ERC1: variants seen among roughly 807,000 people sequenced by gnomAD.
ERC1 encodes RAB6 interacting protein 2.
ERC1 carries 56 observed loss-of-function variants against 132.0 expected under a neutral mutation model. The observed-to-expected ratio is 0.42, with a 90% CI of 0.34 to 0.53. The LOEUF (loss-of-function observed/expected upper bound fraction) is 0.53. Among genes scored for constraint, ERC1 ranks in the 20% least tolerant of loss-of-function variants. ERC1 has a pLI of 0.03. For missense variants in ERC1, 1,202 were observed against 1,349.9 expected (o/e 0.89, Z 1.72); for synonymous variants, 478 against 476.1 (o/e 1.00, Z -0.05).
At chr12:1,003,096 CA>C (rs59507923) in intron 1 of ERC1, among the ~76,000 whole-genome samples, 3,270 of 86,934 alleles carry the variant, frequency 0.038, 124 homozygotes, top group African/African-American at 0.15. Context: ...ATGAAAAATG[CA>C]AAAAAAAAAA....
At chr12:1,130,403 T>TA (rs1405766761) in intron 7 of ERC1, among the ~76,000 whole-genome samples, 1 of 151,806 alleles carries the variant, frequency 6.6e-6, no homozygotes, top group Non-Finnish European at 1.5e-5. Context: ...GAGGAAGTGT[T>TA]ATGTTATGTG....
intron 18 of ERC1, among the ~76,000 whole-genome samples, chr12:1,473,182 T>C (rs1056083407): frequency 1.3e-5 from 2 of 152,108 alleles, no homozygotes; most frequent in East Asian, 1.9e-4. Context: ...CGCACCACCA[T>C]GCCCAGCTAA....
chr12:1,211,622 C>T (rs1009535203), intron 12 of ERC1, among the ~76,000 whole-genome samples: 3 of 152,144 alleles, frequency 2.0e-5, no homozygotes, highest in African/African-American at 7.2e-5. Flanking sequence ...TGCAATGGCG[C>T]AATCTTGGCT....
upstream of ERC1, among the ~76,000 whole-genome samples, chr12:990,790 G>A (rs1432285192): frequency 6.6e-6 from 1 of 152,128 alleles, no homozygotes; most frequent in Non-Finnish European, 1.5e-5. Flanking sequence ...GAAGTAGGGG[G>A]TGGGGCGCCG....
intron 18 of ERC1, among the ~76,000 whole-genome samples, chr12:1,471,685 A>G (rs1383383604): frequency 6.6e-6 from 1 of 152,200 alleles, no homozygotes; most frequent in African/African-American, 2.4e-5. Flanking sequence ...TTGGTCTCTC[A>G]GTTGTTGACT....
chr12:1,010,414 A>G (rs1271971375), intron 1 of ERC1, among the ~76,000 whole-genome samples: 1 of 143,376 alleles, frequency 7.0e-6, no homozygotes, highest in Admixed American at 7.1e-5. Flanking sequence ...CCGGGAGGAG[A>G]GGTTGCAGTG....
At chr12:1,122,231 C>A (rs1360648530) in intron 7 of ERC1, among the ~76,000 whole-genome samples, 1 of 75,336 alleles carries the variant, frequency 1.3e-5, no homozygotes, top group Non-Finnish European at 2.5e-5. Context: ...CTATCTCTAT[C>A]TCTATCTGTG....
At chr12:1,253,722 A>C (rs1300080891) in intron 13 of ERC1, among the ~76,000 whole-genome samples, 1 of 152,088 alleles carries the variant, frequency 6.6e-6, no homozygotes, top group Non-Finnish European at 1.5e-5. Context: ...CAGCTCAGTG[A>C]TGTGTAGCTT....
rs557243494 is a variant in ERC1 at position 1,241,171 on chromosome 12, G to A, written c.2487+4267G>A. Among the ~76,000 whole-genome samples the A allele has an allele frequency of 1.6e-3, 251 of 152,194 alleles. 1 individual carries two copies. Among genetic ancestry groups the A allele is most frequent in the Middle Eastern group, 6.8e-3 (2 of 294 alleles). Reference sequence around the variant, plus strand: ...ACTTCCAGCAGTTTGCAGGCATTCTGTTTTCCCTATAGCCACTTTGGTTCT... The same window carrying A: ...ACTTCCAGCAGTTTGCAGGCATTCTATTTTCCCTATAGCCACTTTGGTTCT... On this transcript the variant is annotated intron_variant, in intron 13 of 18. Transcript: ENST00000360905.
intron 1 of ERC1, among the ~76,000 whole-genome samples, chr12:1,004,091 A>G (rs2154133726): frequency 6.6e-6 from 1 of 152,228 alleles, no homozygotes; most frequent in African/African-American, 2.4e-5. Flanking sequence ...GCCTTCCACC[A>G]TCTCCTGTTA....
intron 18 of ERC1, among the ~76,000 whole-genome samples, chr12:1,450,910 T>A (rs1387519080): frequency 6.6e-6 from 1 of 152,260 alleles, no homozygotes; most frequent in Non-Finnish European, 1.5e-5. Context: ...TGATTCATGA[T>A]GTTGAGCATC....
intron 14 of ERC1, among the ~76,000 whole-genome samples, chr12:1,266,454 G>C (rs1351654286): frequency 7.8e-6 from 1 of 127,628 alleles, no homozygotes; most frequent in Non-Finnish European, 1.6e-5. Context: ...GCCCGGGCTG[G>C]AGTGTAATGG....
chr12:1,457,360 T>G (rs1267556103), intron 18 of ERC1, among the ~76,000 whole-genome samples: 1 of 152,162 alleles, frequency 6.6e-6, no homozygotes, highest in Non-Finnish European at 1.5e-5. Flanking sequence ...CCCTCATGGG[T>G]CCTCATAAAG....
rs369682789 is a variant in ERC1, at chr12:1,490,605, A to C, written c.*375A>C. 5 of 265,148 alleles carry C rather than the reference A, an allele frequency of 1.9e-5. No homozygotes were observed. The highest frequency in any genetic ancestry group is 9.6e-5 in the Admixed American group (2 of 20,794). The allele number at this position is 265,148 out of a possible 1,614,324, so 16.4% of individuals were successfully genotyped here. A position where few individuals can be genotyped will look rare whatever the true frequency, so the allele number is the denominator to read the frequency against. On this transcript the variant is annotated 3_prime_UTR_variant, in exon 19 of 19. Transcript: ENST00000360905. ...GACATGAGAATGAAACCAGGAATGG[A>C]CTTGGAGTTCAACAGGCTGAGAGGA...
At chr12:1,179,576 C>T (rs1170702872) in intron 8 of ERC1, among the ~76,000 whole-genome samples, 6 of 140,072 alleles carry the variant, frequency 4.3e-5, no homozygotes, top group East Asian at 2.1e-4. Flanking sequence ...GGCGGGATCT[C>T]GGCTCACTGC....
intron 17 of ERC1, among the ~76,000 whole-genome samples, chr12:1,432,357 A>G (rs2092822383): frequency 6.6e-6 from 1 of 152,220 alleles, no homozygotes; most frequent in Admixed American, 6.5e-5. Flanking sequence ...AATTTGGTTC[A>G]TGGACTGTAG....
In ERC1 at chr12:1,449,207, T is replaced by A. The variant is rs189269318; in HGVS notation, c.3213+4457T>A. 2.0e-5 allele frequency among the ~76,000 whole-genome samples: 3 copies of A among 152,336 alleles called. No homozygotes were observed. In the East Asian group the frequency reaches 5.8e-4, roughly 29 times the overall value. On this transcript the variant is annotated intron_variant, in intron 18 of 18. Transcript: ENST00000360905. ...ACTTGCTTTTGATTTTACAGGCTTATAGGCAGAAGGGACTTGCCTCGCCTT... is the reference window on the plus strand; with the variant it reads ...ACTTGCTTTTGATTTTACAGGCTTAAAGGCAGAAGGGACTTGCCTCGCCTT...
At chr12:1,198,347 A>C (rs1472568696) in intron 12 of ERC1, among the ~76,000 whole-genome samples, 1 of 152,190 alleles carries the variant, frequency 6.6e-6, no homozygotes, top group Non-Finnish European at 1.5e-5. Context: ...CTAAACTATT[A>C]ATACTAATTT....
chr12:1,054,737 C>G (rs78032745), intron 2 of ERC1, among the ~76,000 whole-genome samples: 4,065 of 152,228 alleles, frequency 0.027, 174 homozygotes, highest in African/African-American at 0.093. Flanking sequence ...TCTGTCAATA[C>G]ATATTTATTG....
Sources: allele counts gnomAD v4.1 joint callset (sites outside exome capture counted in the v4.1 genomes callset), GRCh38; gene constraint gnomAD v4.1.1; transcripts MANE v1.5; gene names NCBI Gene and HGNC (gene_info 2026-07-23, HGNC 2026-07-21).